CHSY3: variants seen among roughly 807,000 people sequenced by gnomAD.
The protein encoded by CHSY3 is chondroitin sulfate synthase 3.
CHSY3 carries 35 observed loss-of-function variants against 67.2 expected under a neutral mutation model. The observed-to-expected ratio is 0.52, with a 90% CI of 0.40 to 0.69. The LOEUF (loss-of-function observed/expected upper bound fraction) is 0.69, where lower values mean the gene tolerates loss of function less well. Ranked by LOEUF, CHSY3 falls within the 30% of genes least tolerant of loss-of-function variation. The pLI is 0.00. For synonymous variants in CHSY3, 474 were observed against 434.7 expected, an observed-to-expected ratio of 1.09 and a Z score of -1.12; for missense variants, 1,069 against 1,138.5, an observed-to-expected ratio of 0.94 and a Z score of 0.88.
Position 130,079,351 on chromosome 5 carries a change from T to G in CHSY3, c.1087-104878T>G, listed in dbSNP as rs565890504. On this transcript the variant is annotated intron_variant, in intron 2 of 2. Transcript: ENST00000305031. Reference sequence around the variant, plus strand: ...CAGATGTATTTAAATAAATGGAAGTTTCTTTTATTAAAGACTTGAAGCCAA... The same window carrying G: ...CAGATGTATTTAAATAAATGGAAGTGTCTTTTATTAAAGACTTGAAGCCAA... Among the ~76,000 whole-genome samples the G allele has an allele frequency of 5.3e-5, 8 of 152,294 alleles. No homozygotes were observed. The South Asian group carries it at 1.7e-3, about 32-fold the overall frequency.
chr5:129,973,345 C>T (rs919438206), intron 2 of CHSY3, among the ~76,000 whole-genome samples: 1 of 152,050 alleles, frequency 6.6e-6, no homozygotes, highest in Non-Finnish European at 1.5e-5. Context: ...AACTTACCCA[C>T]CTCTAACTAC....
At chr5:130,126,129 C>T (rs539720293) in intron 2 of CHSY3, among the ~76,000 whole-genome samples, 1 of 152,208 alleles carries the variant, frequency 6.6e-6, no homozygotes, top group Non-Finnish European at 1.5e-5. Flanking sequence ...GTACCTATTT[C>T]ATGTCTGCCC....
At chr5:130,047,021 TTAAAA>T (rs1295100584) in intron 2 of CHSY3, among the ~76,000 whole-genome samples, 32 of 151,650 alleles carry the variant, frequency 2.1e-4, no homozygotes, top group Non-Finnish European at 5.9e-5. Flanking sequence ...ATATAAATTG[TTAAAA>T]TAAATTAATA....
At chr5:129,943,545 G>A (rs868531958) in intron 2 of CHSY3, among the ~76,000 whole-genome samples, 1 of 152,126 alleles carries the variant, frequency 6.6e-6, no homozygotes, top group Non-Finnish European at 1.5e-5. Flanking sequence ...TTAGTGATAT[G>A]TTTGTAGATA....
At chr5:129,957,620 T>C (rs1400821868) in intron 2 of CHSY3, among the ~76,000 whole-genome samples, 1 of 152,162 alleles carries the variant, frequency 6.6e-6, no homozygotes, top group East Asian at 1.9e-4. Context: ...TTTTTCCTCA[T>C]ACTTTGAAGA....
chr5:130,049,733 G>A (rs903637315), intron 2 of CHSY3, among the ~76,000 whole-genome samples: 2 of 150,654 alleles, frequency 1.3e-5, no homozygotes, highest in Non-Finnish European at 3.0e-5. Context: ...CCACAGTCAA[G>A]AATCAATTAT....
chr5:129,971,455 A>G (rs1381530840), intron 2 of CHSY3, among the ~76,000 whole-genome samples: 2 of 151,944 alleles, frequency 1.3e-5, no homozygotes, highest in Non-Finnish European at 2.9e-5. Flanking sequence ...AAAGACTTAC[A>G]TCAGAATGCT....
intron 2 of CHSY3, among the ~76,000 whole-genome samples, chr5:129,909,661 A>G (rs184029120): frequency 6.6e-6 from 1 of 152,168 alleles, no homozygotes; most frequent in Non-Finnish European, 1.5e-5. Flanking sequence ...ATGTAAAAAC[A>G]TTACAGTTTA....
intron 2 of CHSY3, among the ~76,000 whole-genome samples, chr5:130,097,892 G>C (rs1767102757): frequency 6.6e-6 from 1 of 152,042 alleles, no homozygotes; most frequent in Non-Finnish European, 1.5e-5. Context: ...TGTAGTCCCA[G>C]CTACTCGGGA....
chr5:130,164,858 A>C (rs968441778), intron 2 of CHSY3, among the ~76,000 whole-genome samples: 1 of 152,208 alleles, frequency 6.6e-6, no homozygotes, highest in Admixed American at 6.5e-5. Context: ...GACATATACC[A>C]GTCCTGATTT....
At chr5:129,925,379 A>T (rs1269051765) in intron 2 of CHSY3, among the ~76,000 whole-genome samples, 2 of 152,204 alleles carry the variant, frequency 1.3e-5, no homozygotes, top group Non-Finnish European at 2.9e-5. Context: ...AAGGCTTGAA[A>T]GATTTTAAAC....
At chr5:130,184,110 T>C (rs1434762113) in intron 2 of CHSY3, 119 bp from the exon 3 acceptor site, 1 of 936,608 alleles carries the variant, frequency 1.1e-6, no homozygotes, top group African/African-American at 1.7e-5. Context: ...ATTTTTGTTA[T>C]GAAATACCAT....
At chr5:130,069,803 C>T (rs990165737) in intron 2 of CHSY3, among the ~76,000 whole-genome samples, 5 of 151,928 alleles carry the variant, frequency 3.3e-5, no homozygotes, top group African/African-American at 4.8e-5. Flanking sequence ...TTTCTCTTAC[C>T]TTTATGTTTC....
chr5:130,078,106 A>C (rs1275961858), intron 2 of CHSY3, among the ~76,000 whole-genome samples: 3 of 152,056 alleles, frequency 2.0e-5, no homozygotes, highest in Non-Finnish European at 4.4e-5. Context: ...TAACTCATGC[A>C]AGGTGAAATA....
chr5:130,047,820 A>G (rs1482075802), intron 2 of CHSY3, among the ~76,000 whole-genome samples: 1 of 151,544 alleles, frequency 6.6e-6, no homozygotes, highest in Non-Finnish European at 1.5e-5. Flanking sequence ...GTATATGCGA[A>G]TATATGTTTT....
At chr5:130,080,982 C>A (rs35423841) in intron 2 of CHSY3, among the ~76,000 whole-genome samples, 69,011 of 151,308 alleles carry the variant, frequency 0.46, 15,979 homozygotes, top group African/African-American at 0.54. Flanking sequence ...CTTAGAGACA[C>A]TGGAGATGGG....
chr5:129,980,179 C>T (rs1762942181), intron 2 of CHSY3, among the ~76,000 whole-genome samples: 1 of 152,166 alleles, frequency 6.6e-6, no homozygotes, highest in South Asian at 2.1e-4. Context: ...AAACTGTCTT[C>T]TTAAGTAGTT....
intron 2 of CHSY3, among the ~76,000 whole-genome samples, chr5:130,046,331 C>T (rs778893955): frequency 1.3e-5 from 2 of 151,968 alleles, no homozygotes; most frequent in Non-Finnish European, 2.9e-5. Context: ...TTTTAGTATA[C>T]GTTAAAGTAT....
chr5:130,076,575 AT>A (rs1036705161), intron 2 of CHSY3, among the ~76,000 whole-genome samples: 5 of 151,830 alleles, frequency 3.3e-5, no homozygotes, highest in African/African-American at 4.8e-5. Context: ...TGAGATTAAT[AT>A]TTTTTTAAAT....
Sources: gnomAD v4.1 joint callset for allele counts (sites outside exome capture counted in the v4.1 genomes callset) on GRCh38, gnomAD v4.1.1 for gene constraint, MANE v1.5 for transcripts, NCBI Gene and HGNC (gene_info 2026-07-23, HGNC 2026-07-21) for gene names.